PTPRD: variants seen among roughly 807,000 people sequenced by gnomAD.
The protein encoded by PTPRD is receptor-type tyrosine-protein phosphatase delta.
A neutral mutation model predicts 214.5 loss-of-function variants in PTPRD; 34 were observed. The ratio of observed to expected loss-of-function variants is 0.16; its 90% CI spans 0.12 to 0.21. The LOEUF is 0.21. Ranked by LOEUF, PTPRD falls within the 10% of genes least tolerant of loss-of-function variation. The probability of loss-of-function intolerance (pLI) is 1.00; values close to 1 mark genes in which losing one functional copy is unlikely to be tolerated. For synonymous variants in PTPRD, 1,128 were observed against 845.7 expected (o/e 1.33, Z -5.79); for missense variants, 2,545 against 2,398.7 (o/e 1.06, Z -1.27).
At chr9:10,495,601 T>C (rs542080094) in intron 2 of PTPRD, among the ~76,000 whole-genome samples, 1 of 151,976 alleles carries the variant, frequency 6.6e-6, no homozygotes, top group South Asian at 2.1e-4. Context: ...ATGTAAGTTT[T>C]GGCAGTTATA....
At chr9:8,830,431 CA>C (rs1350168645) in intron 11 of PTPRD, among the ~76,000 whole-genome samples, 1 of 151,776 alleles carries the variant, frequency 6.6e-6, no homozygotes, top group Admixed American at 6.6e-5. Flanking sequence ...CCACAAGAAA[CA>C]AAAAATCTTG....
intron 12 of PTPRD, among the ~76,000 whole-genome samples, chr9:8,650,847 T>C (rs1428486936): frequency 2.6e-5 from 4 of 152,152 alleles, no homozygotes; most frequent in African/African-American, 9.6e-5. Flanking sequence ...CTATGTCCCT[T>C]CCAGATATTT....
intron 8 of PTPRD, among the ~76,000 whole-genome samples, chr9:9,561,941 A>T (rs1394727915): frequency 6.6e-6 from 1 of 152,070 alleles, no homozygotes; most frequent in Non-Finnish European, 1.5e-5. Context: ...TTATGGCTTT[A>T]AATGTCATCT....
intron 33 of PTPRD, among the ~76,000 whole-genome samples, chr9:8,457,037 T>G (rs1249560848): frequency 6.6e-6 from 1 of 152,182 alleles, no homozygotes; most frequent in Non-Finnish European, 1.5e-5. Context: ...GAACTTTCAA[T>G]TGCCTTGTGA....
chr9:9,587,672 C>T (rs548614403), intron 7 of PTPRD, among the ~76,000 whole-genome samples: 339 of 152,054 alleles, frequency 2.2e-3, no homozygotes, highest in African/African-American at 7.7e-3. Context: ...CATTTCTAAA[C>T]CAAGTTCCCA....
At chr9:8,408,453 T>C (rs10815855) in intron 35 of PTPRD, among the ~76,000 whole-genome samples, 26,149 of 152,138 alleles carry the variant, frequency 0.17, 2,657 homozygotes, top group Non-Finnish European at 0.23. Flanking sequence ...TCTGAAGTTT[T>C]ACCTTCCCAA....
chr9:8,991,416 C>T (rs2099366170), intron 11 of PTPRD, among the ~76,000 whole-genome samples: 1 of 151,932 alleles, frequency 6.6e-6, no homozygotes, highest in Non-Finnish European at 1.5e-5. Flanking sequence ...CTACAAGGTG[C>T]TCAGTAAATA....
chr9:9,400,256 A>G (rs1470116204), intron 8 of PTPRD, among the ~76,000 whole-genome samples: 1 of 152,004 alleles, frequency 6.6e-6, no homozygotes, highest in Non-Finnish European at 1.5e-5. Context: ...CTTCCTACAA[A>G]TAATGACTCA....
At position 9,515,086 on chromosome 9, in the gene PTPRD, T is replaced by C. The variant is rs530205502; in HGVS notation, c.-237+59646A>G. 2.6e-5 allele frequency among the ~76,000 whole-genome samples: 4 copies of C among 152,242 alleles called. No homozygotes were observed. The East Asian group carries it at 7.8e-4, about 30-fold the overall frequency. Reference sequence around the variant, plus strand: ...GTCCAACCTGGTTTCTCTCAATCATTCAGGGAGCTAAAATCCTTGATTTTC... The same window carrying C: ...GTCCAACCTGGTTTCTCTCAATCATCCAGGGAGCTAAAATCCTTGATTTTC... On this transcript the variant is annotated intron_variant, in intron 8 of 45. Coordinates refer to ENST00000381196, the MANE Select transcript of PTPRD (RefSeq NM_002839.4).
chr9:8,679,255 A>G (rs1034691975), intron 12 of PTPRD, among the ~76,000 whole-genome samples: 1 of 152,186 alleles, frequency 6.6e-6, no homozygotes, highest in Non-Finnish European at 1.5e-5. Context: ...TTATCATGCA[A>G]TTTCAGCAAA....
chr9:9,800,248 T>C (rs2099030249), intron 5 of PTPRD, among the ~76,000 whole-genome samples: 1 of 152,128 alleles, frequency 6.6e-6, no homozygotes, highest in South Asian at 2.1e-4. Context: ...GGCGGAAGGA[T>C]GGCTTGAGTC....
chr9:9,141,886 G>A (rs186247411), intron 10 of PTPRD, among the ~76,000 whole-genome samples: 77 of 152,216 alleles, frequency 5.1e-4, no homozygotes, highest in African/African-American at 1.7e-3. Context: ...TGGGAATCGT[G>A]GAGGTTTATC....
chr9:9,783,653 G>A (rs1422725324), intron 5 of PTPRD, among the ~76,000 whole-genome samples: 2 of 151,956 alleles, frequency 1.3e-5, no homozygotes, highest in Admixed American at 6.6e-5. Flanking sequence ...GCACAAGAAC[G>A]CTACTTTGTA....
At chr9:9,041,779 G>A (rs974795219) in intron 10 of PTPRD, among the ~76,000 whole-genome samples, 4 of 152,186 alleles carry the variant, frequency 2.6e-5, no homozygotes, top group Admixed American at 6.5e-5. Context: ...TCTTAGAAAC[G>A]TCCAGTGACA....
chr9:8,411,858 T>C (rs1011584175), intron 35 of PTPRD, among the ~76,000 whole-genome samples: 4 of 152,232 alleles, frequency 2.6e-5, no homozygotes, highest in Non-Finnish European at 1.5e-5. Context: ...TTGATGTTCT[T>C]AAGAATAGAA....
intron 9 of PTPRD, among the ~76,000 whole-genome samples, chr9:9,277,482 T>G (rs1946110917): frequency 6.6e-6 from 1 of 151,434 alleles, no homozygotes; most frequent in African/African-American, 2.4e-5. Context: ...TAAAAAAGTC[T>G]GTTAACACAG....
chr9:10,567,710 TCTA>T (rs1425623851), intron 2 of PTPRD, among the ~76,000 whole-genome samples: 1 of 151,922 alleles, frequency 6.6e-6, no homozygotes, highest in Non-Finnish European at 1.5e-5. Flanking sequence ...CTTTGGTTTT[TCTA>T]CTACCAAATA....
At chr9:10,579,558 G>C (rs1203445631) in intron 2 of PTPRD, among the ~76,000 whole-genome samples, 1 of 152,110 alleles carries the variant, frequency 6.6e-6, no homozygotes, top group East Asian at 1.9e-4. Flanking sequence ...TCTATTGTCA[G>C]TAGTACTGTG....
chr9:9,170,865 A>G (rs2099913113), intron 10 of PTPRD, among the ~76,000 whole-genome samples: 2 of 152,156 alleles, frequency 1.3e-5, no homozygotes, highest in African/African-American at 4.8e-5. Context: ...GTAGGAGGGA[A>G]GCAAGATGGT....
Sources: allele counts gnomAD v4.1 joint callset (sites outside exome capture counted in the v4.1 genomes callset), GRCh38; gene constraint gnomAD v4.1.1; transcripts MANE v1.5; gene names NCBI Gene and HGNC (gene_info 2026-07-23, HGNC 2026-07-21).